ATP11C: variants seen among roughly 807,000 people sequenced by gnomAD.
The protein encoded by ATP11C is phospholipid-transporting ATPase IG.
Under a neutral mutation model 97.4 loss-of-function variants are expected in ATP11C, and 36 were observed. That is an observed-to-expected ratio of 0.37 (90% confidence interval 0.28 to 0.49). The LOEUF (loss-of-function observed/expected upper bound fraction) is 0.49. ATP11C is among the 20% of genes least tolerant of loss of function. ATP11C has a pLI of 0.98. For synonymous variants in ATP11C, 275 were observed against 290.9 expected, an observed-to-expected ratio of 0.95 and a Z score of 0.56; for missense variants, 730 against 824.6, an observed-to-expected ratio of 0.89 and a Z score of 1.40.
chrX:139,731,288 T>C (rs1222443864), intron 29 of ATP11C, among the ~76,000 whole-genome samples: 2 of 112,168 alleles, frequency 1.8e-5, no homozygotes, highest in Admixed American at 1.9e-4. Context: ...TATTTACTTT[T>C]AGTTTTCCAA....
intron 1 of ATP11C, among the ~76,000 whole-genome samples, chrX:139,918,824 AGTT>A (rs1258290617): frequency 9.0e-6 from 1 of 111,534 alleles, no homozygotes; most frequent in Non-Finnish European, 1.9e-5. Context: ...ATGGGTATGG[AGTT>A]TCAGTTTTGC....
intron 1 of ATP11C, among the ~76,000 whole-genome samples, chrX:139,915,666 GA>G (rs2085144159): frequency 9.2e-6 from 1 of 108,534 alleles, no homozygotes; most frequent in Non-Finnish European, 1.9e-5. Flanking sequence ...CTCAAAAAAA[GA>G]AAAAGAAAAA....
chrX:139,911,444 T>C (rs754193025), intron 1 of ATP11C, among the ~76,000 whole-genome samples: 6 of 111,777 alleles, frequency 5.4e-5, no homozygotes, highest in African/African-American at 9.8e-5. Flanking sequence ...ACACAATAGA[T>C]TGGCAAAAAG....
At chrX:139,798,611 T>C in intron 9 of ATP11C, 68 bp downstream of exon 9, 1 of 862,725 alleles carries the variant, frequency 1.2e-6, no homozygotes, top group Non-Finnish European at 1.7e-6. Flanking sequence ...TACTTTTTAA[T>C]ATGCACTATT....
At chrX:139,834,194 C>T (rs2083710506) in intron 1 of ATP11C, among the ~76,000 whole-genome samples, 1 of 111,773 alleles carries the variant, frequency 8.9e-6, no homozygotes, top group Non-Finnish European at 1.9e-5. Flanking sequence ...CACTGTTCTT[C>T]AGTGTTCATG....
chrX:139,934,552 CTT>C (rs760781660), upstream of ATP11C, among the ~76,000 whole-genome samples: 4 of 93,717 alleles, frequency 4.3e-5, no homozygotes, highest in African/African-American at 8.1e-5. Context: ...CTAGCTTTAC[CTT>C]TTTTTTTTTT....
chrX:139,824,156 T>A (rs763279794), intron 2 of ATP11C, among the ~76,000 whole-genome samples: 37 of 107,736 alleles, frequency 3.4e-4, no homozygotes, highest in African/African-American at 6.7e-4. Context: ...ATTAATTTTT[T>A]AAAAAAAACC....
rs2082074693 is a variant in ATP11C at position 139,763,361 on chromosome X, C to A, written c.2449G>T (p.Gly817Cys). ...GSPITLSIGD[G>C]ANDVSMILES... ...AAGATCATACTAACATCATTGGCAC[C>A]ATCACCTATCGACAGAGTTATTGGG... Residue 817 changes from glycine to cysteine, a missense_variant, in exon 21 of 30, where the codon GGT becomes TGT. By Grantham distance (159) the Gly-to-Cys change is radical (BLOSUM62 -3). Coordinates refer to ENST00000682941, the MANE Select transcript of ATP11C (RefSeq NM_001353812.2). 1 of 1,209,340 alleles carries A rather than the reference C, an allele frequency of 8.3e-7. No individual in the cohort carries two copies. The highest frequency in any genetic ancestry group is 1.7e-5 in the African/African-American group (1 of 57,309).
intron 1 of ATP11C, among the ~76,000 whole-genome samples, chrX:139,910,926 A>C (rs5955010): frequency 0.024 from 2,730 of 111,924 alleles, 73 homozygotes; most frequent in African/African-American, 0.085. Flanking sequence ...AAAGAGTAAG[A>C]GACCAGAACA....
rs767548347 is a variant in ATP11C at position 139,852,304 on chromosome X, T to TGTGACAA, written c.28-25488_28-25482dup. Among the ~76,000 whole-genome samples, 3 of 107,562 alleles carry TGTGACAA rather than the reference T, an allele frequency of 2.8e-5. No homozygotes were observed. In the South Asian group the frequency reaches 1.3e-3, roughly 48 times the overall value. The allele number at this position is 107,562 out of a possible 115,157, so 93.4% of individuals were successfully genotyped here. On this transcript the variant is annotated intron_variant, in intron 1 of 29. Coordinates refer to ENST00000682941, the MANE Select transcript of ATP11C (RefSeq NM_001353812.2). The stretch of plus-strand genomic sequence containing the variant: ...CCTTTAGCAGCACTGAAACTTTATA[T>TGTGACAA]GTGACAATTTGGGGGCCCATCTGGG...
intron 20 of ATP11C, among the ~76,000 whole-genome samples, chrX:139,767,672 G>A (rs1358341214): frequency 6.3e-5 from 7 of 111,484 alleles, no homozygotes; most frequent in African/African-American, 2.3e-4. Flanking sequence ...TCCAGAGAGA[G>A]ACCATAAAGC....
At chrX:139,804,167 T>C (rs2082993228) in intron 6 of ATP11C, among the ~76,000 whole-genome samples, 1 of 111,320 alleles carries the variant, frequency 9.0e-6, no homozygotes, top group South Asian at 3.8e-4. Context: ...AGCCTATGAT[T>C]ACTCCCATTT....
At chrX:139,872,444 G>A (rs2084394057) in intron 1 of ATP11C, among the ~76,000 whole-genome samples, 1 of 110,918 alleles carries the variant, frequency 9.0e-6, no homozygotes. Flanking sequence ...TATGTGCCAT[G>A]TTGGTGTGCT....
At chrX:139,913,636 A>G (rs2085110475) in intron 1 of ATP11C, among the ~76,000 whole-genome samples, 1 of 110,975 alleles carries the variant, frequency 9.0e-6, no homozygotes, top group Admixed American at 9.6e-5. Context: ...CCCACTGAGC[A>G]CCTTGTGTCC....
chrX:139,778,387 T>C, intron 18 of ATP11C, among the ~76,000 whole-genome samples: 1 of 111,732 alleles, frequency 8.9e-6, no homozygotes, highest in Non-Finnish European at 1.9e-5. Flanking sequence ...ACAGATCCTA[T>C]AAAGCAATTA....
At chrX:139,803,536 A>G (rs980600950) in intron 6 of ATP11C, among the ~76,000 whole-genome samples, 2 of 110,201 alleles carry the variant, frequency 1.8e-5, no homozygotes, top group African/African-American at 6.6e-5. Context: ...CTGTGCCAGA[A>G]AGTGTATGAG....
intron 5 of ATP11C, 140 bp downstream of exon 5, chrX:139,814,738 T>C: frequency 2.6e-6 from 1 of 384,716 alleles, no homozygotes; most frequent in Non-Finnish European, 4.4e-6. Flanking sequence ...TAGGGTTTCC[T>C]TTTCGGGTGA....
rs752463808 is a variant in ATP11C at position 139,763,431 on chromosome X, T to A, written c.2392-13A>T. The A allele has an allele frequency of 8.6e-7, 1 of 1,164,598 alleles. No individual in the cohort carries two copies. Among genetic ancestry groups the A allele is most frequent in the South Asian group, 1.8e-5 (1 of 55,415 alleles). ...CCATTCTGACAATCTAAATATTAAA[T>A]ACAAAAGAGGTGTAAAAAAGGTCAA... On this transcript the variant is annotated splice_polypyrimidine_tract_variant and intron_variant, in intron 20 of 29. Transcript: ENST00000682941.
chrX:139,811,535 C>A (rs1426037235), intron 5 of ATP11C, among the ~76,000 whole-genome samples: 1 of 110,886 alleles, frequency 9.0e-6, no homozygotes, highest in Non-Finnish European at 1.9e-5. Flanking sequence ...TTGCTCAGGC[C>A]AAAACCAGGA....
Sources: gnomAD v4.1 joint callset for allele counts (sites outside exome capture counted in the v4.1 genomes callset) on GRCh38, gnomAD v4.1.1 for gene constraint, MANE v1.5 for transcripts, NCBI Gene and HGNC (gene_info 2026-07-23, HGNC 2026-07-21) for gene names.